The following PI4KB variants were observed in gnomAD, a reference collection of about 807,000 sequenced individuals.
PI4KB encodes the protein PtdIns 4-kinase beta.
A neutral mutation model predicts 81.4 loss-of-function variants in PI4KB; 23 were observed. That is an observed-to-expected ratio of 0.28 (90% CI 0.20 to 0.40). The LOEUF is 0.40. Among genes scored for constraint, PI4KB ranks in the 10% least tolerant of loss-of-function variants. PI4KB has a pLI of 1.00. For synonymous variants in PI4KB, 381 were observed against 406.8 expected (o/e 0.94, Z 0.76); for missense variants, 651 against 1,036.6 (o/e 0.63, Z 5.11).
intron 1 of PI4KB, chr1:151,326,446 A>C: frequency 9.3e-6 from 4 of 429,586 alleles, no homozygotes; most frequent in Non-Finnish European, 1.2e-5. Flanking sequence ...AACAGAACAA[A>C]TGTCACAAGG....
At position 151,301,904 on chromosome 1, in the gene PI4KB, G is replaced by C; in HGVS notation, c.1689C>G (p.Val563=). The C allele has an allele frequency of 6.2e-7, 1 of 1,614,094 alleles. No individual in the cohort carries two copies. Among genetic ancestry groups the C allele is most frequent in the Non-Finnish European group, 8.5e-7 (1 of 1,180,024 alleles). ...CTTGCCGAAGGTCATCCCCACACTT[G>C]ACAATGACTGACAGGAGCCGCCAAT... The part of the protein sequence containing the change: ...LPNWRLLSVI[V]KCGDDLRQEL... The change falls in exon 8 of 12, where the codon GTC becomes GTG. Residue 563 remains valine (V), a synonymous_variant. Coordinates refer to ENST00000368873, the MANE Select transcript of PI4KB (RefSeq NM_001369623.2).
In PI4KB at chr1:151,298,881, T is replaced by C; in HGVS notation, c.1942A>G (p.Ser648Gly). 1 of 1,614,198 alleles carries C rather than the reference T, an allele frequency of 6.2e-7. No homozygotes were observed. Among genetic ancestry groups the C allele is most frequent in the Non-Finnish European group, 8.5e-7 (1 of 1,180,008 alleles). Residue 648 changes from serine to glycine, a missense_variant, in exon 9 of 12, where the codon AGT becomes GGT. Physicochemically the swap from Ser to Gly is moderately conservative, Grantham distance 56 (BLOSUM62 0). Coordinates refer to ENST00000368873, the MANE Select transcript of PI4KB (RefSeq NM_001369623.2). ...CTTTGCACAAAATTGCGCTGTGCAC[T>C]GAGGAATGCCTCAGTGGTGTAACTG... Reference protein sequence around the residue: ...HGSYTTEAFLSAQRNFVQSCA... With the variant: ...HGSYTTEAFLGAQRNFVQSCA...
chr1:151,327,404 C>T lies in PI4KB; in HGVS notation c.-162G>A. On this transcript the variant is annotated 5_prime_UTR_variant, in exon 1 of 12. The change creates a new upstream start codon in the 5' untranslated region. Transcript: ENST00000368873. ...CCTGACAGCGGCCGCGGAGGCTGCACCAGGCCCCGGCTGCGGGGCTGCCCG... is the reference window on the plus strand; with the variant it reads ...CCTGACAGCGGCCGCGGAGGCTGCATCAGGCCCCGGCTGCGGGGCTGCCCG... 2.5e-6 allele frequency: 1 copy of T among 397,978 alleles called. No homozygotes were observed. The highest frequency in any genetic ancestry group is 4.4e-6 in the Non-Finnish European group (1 of 225,576). 24.7% of individuals were successfully genotyped at this position (397,978 alleles called of 1,614,324 possible). A position where few individuals can be genotyped will look rare whatever the true frequency, so the allele number is the denominator to read the frequency against.
In PI4KB at chr1:151,315,703, G is replaced by C. The variant is rs587716868; in HGVS notation, c.779C>G (p.Ala260Gly). The C allele has an allele frequency of 2.5e-4, 410 of 1,613,952 alleles. 3 individuals are homozygous for C. In the South Asian group the frequency reaches 4.1e-3, roughly 16 times the overall value. Residue 260 changes from alanine (A) to glycine (G), a missense_variant, in exon 2 of 12, where the codon GCC becomes GGC. This residue lies in a region of PI4KB where 314 missense variants were observed against 397.8 expected (regional missense o/e 0.79). Coordinates refer to ENST00000368873, the MANE Select transcript of PI4KB (RefSeq NM_001369623.2). Reference protein sequence around the residue: ...RKRELPSLSPAPDTGLSPSKR... With the variant: ...RKRELPSLSPGPDTGLSPSKR... ...GGAGGGAGACAGCCCTGTGTCAGGG[G>C]CCGGGCTCAAGGAGGGCAGCTCCCT... is the stretch of plus-strand genomic sequence containing the variant.
chr1:151,307,887 G>A lies in PI4KB; in HGVS notation c.955-86C>T, dbSNP rs1695917555. On this transcript the variant is annotated intron_variant, in intron 3 of 11. Transcript: ENST00000368873. ...CCACTCAGTCACTCCTGGCCATGCA[G>A]GCCGGGGACCCCACTATCTGGAGAA... 5 of 1,033,464 alleles carry A rather than the reference G, an allele frequency of 4.8e-6. No homozygotes were observed. The East Asian group carries it at 9.7e-5, about 20-fold the overall frequency. The allele number at this position is 1,033,464 out of a possible 1,614,324, so 64.0% of individuals were successfully genotyped here.
intron 1 of PI4KB, among the ~76,000 whole-genome samples, chr1:151,323,757 CA>C (rs1458609055): frequency 6.6e-6 from 1 of 151,582 alleles, no homozygotes; most frequent in Non-Finnish European, 1.5e-5. Flanking sequence ...CAAAAACAAA[CA>C]AAAAAACAAA....
intron 1 of PI4KB, among the ~76,000 whole-genome samples, chr1:151,318,078 A>G (rs1003852208): frequency 1.3e-5 from 2 of 152,142 alleles, no homozygotes; most frequent in Admixed American, 1.3e-4. Context: ...CTCCCAAAGC[A>G]CTAGGATTAC....
chr1:151,311,010 A>G (rs966837216), intron 2 of PI4KB, among the ~76,000 whole-genome samples: 7 of 152,216 alleles, frequency 4.6e-5, no homozygotes, highest in African/African-American at 1.4e-4. Context: ...GGAGTTAGCT[A>G]TATCCATCTA....
At chr1:151,306,084 C>T in intron 5 of PI4KB, 52 bp downstream of exon 5, 1 of 1,434,262 alleles carries the variant, frequency 7.0e-7, no homozygotes, top group Non-Finnish European at 9.8e-7. Flanking sequence ...ATAGTGAAAG[C>T]TCCTGGAGAA....
At chr1:151,294,290 A>C (rs1694606567) in intron 10 of PI4KB, 119 bp downstream of exon 10, 1 of 1,450,924 alleles carries the variant, frequency 6.9e-7, no homozygotes, top group African/African-American at 1.4e-5. Context: ...CTCCTGCCTC[A>C]CCCCTAATTA....
rs1318034610 is a variant in PI4KB, at chr1:151,316,140, T to C, written c.342A>G (p.Lys114=). 2 of 1,614,072 alleles carry C rather than the reference T, an allele frequency of 1.2e-6. No individual in the cohort carries two copies. Among genetic ancestry groups the C allele is most frequent in the Non-Finnish European group, 1.7e-6 (2 of 1,179,984 alleles). ...TGTTCTGCCGCCGTCTTCTTGCTCC[T>C]TTGGCTGTGCCTGAGGCCACAGCGG... ...MGAAVASGTA[K]GARRRRQNNS... The change falls in exon 2 of 12, where the codon AAA becomes AAG. Residue 114 remains lysine (K), a synonymous_variant. Coordinates refer to ENST00000368873, the MANE Select transcript of PI4KB (RefSeq NM_001369623.2).
chr1:151,317,135 A>G (rs1648084776), intron 1 of PI4KB, among the ~76,000 whole-genome samples: 1 of 136,832 alleles, frequency 7.3e-6, no homozygotes, highest in Admixed American at 7.9e-5. Context: ...TACATTTACA[A>G]ATTCTTTTTT....
chr1:151,326,222 C>G (rs779580070), intron 1 of PI4KB: 2 of 1,593,666 alleles, frequency 1.3e-6, no homozygotes, highest in Non-Finnish European at 1.7e-6. Flanking sequence ...AGTGGCTGCT[C>G]CGGAGTAGTC....
chr1:151,305,830 T>C (rs897309406), intron 5 of PI4KB, among the ~76,000 whole-genome samples: 1 of 152,232 alleles, frequency 6.6e-6, no homozygotes, highest in East Asian at 1.9e-4. Flanking sequence ...CATCCTCTGC[T>C]ATTCTATGAC....
At chr1:151,326,257 T>G in intron 1 of PI4KB, 1 of 1,469,702 alleles carries the variant, frequency 6.8e-7, no homozygotes, top group Non-Finnish European at 9.3e-7. Context: ...TGATAGGGAC[T>G]TCTTCAAAAC....
intron 11 of PI4KB, 43 bp from the exon 12 acceptor site, chr1:151,293,076 G>T: frequency 6.2e-7 from 1 of 1,601,600 alleles, no homozygotes; most frequent in South Asian, 1.1e-5. Context: ...ATGGACGGGA[G>T]GGGCAGTGGT....
At chr1:151,302,458 C>T (rs78874362) in intron 6 of PI4KB, among the ~76,000 whole-genome samples, 160 bp from the exon 7 acceptor site, 3,890 of 152,258 alleles carry the variant, frequency 0.026, 175 homozygotes, top group African/African-American at 0.089. Flanking sequence ...ACCAATGACA[C>T]CTTTTTGCTA....
chr1:151,298,929 C>G lies in PI4KB; in HGVS notation c.1894G>C (p.Asp632His). 6.2e-7 allele frequency: 1 copy of G among 1,614,110 alleles called. No homozygotes were observed. Among genetic ancestry groups the G allele is most frequent in the South Asian group, 1.1e-5 (1 of 91,074 alleles). Residue 632 changes from aspartate to histidine, a missense_variant, in exon 9 of 12, where the codon GAT (aspartate) becomes CAT (histidine). This residue lies in a region of PI4KB where 246 missense variants were observed against 430.1 expected (regional missense o/e 0.57). Coordinates refer to ENST00000368873, the MANE Select transcript of PI4KB (RefSeq NM_001369623.2). ...CTGCCGTGCTCCTGTAGGAAGTAATCGAGCAAGGAGAGCTGTGACTGTTTC... is the reference window on the plus strand; with the variant it reads ...CTGCCGTGCTCCTGTAGGAAGTAATGGAGCAAGGAGAGCTGTGACTGTTTC... ...VKKQSQLSLL[D>H]YFLQEHGSYT...
chr1:151,316,897 A>C (rs1208508946), intron 1 of PI4KB, among the ~76,000 whole-genome samples: 1 of 152,146 alleles, frequency 6.6e-6, no homozygotes, highest in East Asian at 1.9e-4. Context: ...ATCTCAGCTC[A>C]CTGTAAGTTC....
Sources: gnomAD v4.1 joint callset for allele counts (sites outside exome capture counted in the v4.1 genomes callset) on GRCh38, gnomAD v4.1.1 for gene constraint, gnomAD v4.1.1 regional missense constraint, MANE v1.5 for transcripts, NCBI Gene and HGNC (gene_info 2026-07-23, HGNC 2026-07-21) for gene names.